ANO3: variants seen among roughly 807,000 people sequenced by gnomAD.
The protein encoded by ANO3 is anoctamin-3.
Under a neutral mutation model 144.8 loss-of-function variants are expected in ANO3, and 99 were observed. The observed-to-expected ratio is 0.68, with a 90% CI of 0.58 to 0.81. The LOEUF is 0.81. Ranked by LOEUF, ANO3 falls within the 30% of genes least tolerant of loss-of-function variation. The probability of loss-of-function intolerance (pLI) is 0.00; values close to 1 mark genes in which losing one functional copy is unlikely to be tolerated. For synonymous variants in ANO3, 414 were observed against 392.6 expected, an observed-to-expected ratio of 1.05 and a Z score of -0.64; for missense variants, 905 against 1,202.2, an observed-to-expected ratio of 0.75 and a Z score of 3.66.
At chr11:26,371,837 T>TCTA (rs1856268564) in intron 1 of ANO3, among the ~76,000 whole-genome samples, 1 of 152,220 alleles carries the variant, frequency 6.6e-6, no homozygotes. Context: ...CCTCTACCCC[T>TCTA]GTTGTATCTA....
Position 26,624,486 on chromosome 11 carries a change from C to T in ANO3, c.1861C>T (p.Leu621Phe). 1 of 1,605,296 alleles carries T rather than the reference C, an allele frequency of 6.2e-7. No individual in the cohort carries two copies. ...GGCTTATGAAAAAATTGCTTACCTC[C>T]TCACCAATTTAGGTAAGTCCATTTT... ...NLAYEKIAYL[L>F]TNLEYPRTES... Residue 621 changes from leucine (L) to phenylalanine (F), a missense_variant, in exon 18 of 27, where the codon CTC becomes TTC. Coordinates refer to ENST00000256737, the MANE Select transcript of ANO3 (RefSeq NM_031418.4).
rs533575672 is a variant in ANO3, at chr11:26,296,644, C to T, written c.155-13001C>T. On this transcript the variant is annotated intron_variant, in intron 1 of 27. Coordinates refer to the ANO3 transcript ENST00000672621. ...CTTGTGTTGGGTGACATAAAATCAT[C>T]CAACAGGTGAGACATGGGAGATACT... is the stretch of plus-strand genomic sequence containing the variant. Among the ~76,000 whole-genome samples the T allele has an allele frequency of 5.9e-5, 9 of 152,224 alleles. No individual in the cohort carries two copies. In the East Asian group the frequency reaches 1.7e-3, roughly 29 times the overall value.
At chr11:26,223,185 A>C (rs975418180) in intron 1 of ANO3, among the ~76,000 whole-genome samples, 2 of 152,076 alleles carry the variant, frequency 1.3e-5, no homozygotes, top group Non-Finnish European at 2.9e-5. Flanking sequence ...GCCATGCAAC[A>C]TCTTGAATTC....
At chr11:26,577,820 A>G (rs932427926) in intron 14 of ANO3, among the ~76,000 whole-genome samples, 2 of 152,212 alleles carry the variant, frequency 1.3e-5, no homozygotes, top group Admixed American at 6.5e-5. Flanking sequence ...TTTGCACCCA[A>G]TTGAGTATAA....
At chr11:26,457,506 T>C (rs1439173661) in intron 3 of ANO3, among the ~76,000 whole-genome samples, 2 of 152,082 alleles carry the variant, frequency 1.3e-5, no homozygotes, top group South Asian at 4.1e-4. Flanking sequence ...AAATTGTGAA[T>C]TGAATGCAAA....
At chr11:26,223,619 A>G (rs1410411949) in intron 1 of ANO3, among the ~76,000 whole-genome samples, 2 of 151,812 alleles carry the variant, frequency 1.3e-5, no homozygotes, top group Admixed American at 6.6e-5. Context: ...AAAAAAAAAA[A>G]AAACCCTGAG....
intron 1 of ANO3, among the ~76,000 whole-genome samples, chr11:26,407,076 G>GTGTATATATA (rs1304651169): frequency 1.3e-4 from 13 of 101,514 alleles, no homozygotes; most frequent in African/African-American, 3.8e-4. Flanking sequence ...GTGTGTGTGT[G>GTGTATATATA]TATATATATA....
chr11:26,563,146 G>C, intron 14 of ANO3: 1 of 1,612,034 alleles, frequency 6.2e-7, no homozygotes, highest in South Asian at 1.1e-5. Flanking sequence ...TAAAGTCGCC[G>C]ATGGGAAAAT....
At chr11:26,512,973 C>A (rs564627015) in intron 5 of ANO3, among the ~76,000 whole-genome samples, 1 of 152,182 alleles carries the variant, frequency 6.6e-6, no homozygotes, top group East Asian at 1.9e-4. Context: ...TACTGTGTGT[C>A]CAGCACAGAA....
At chr11:26,461,143 G>A (rs1280231013) in intron 3 of ANO3, among the ~76,000 whole-genome samples, 1 of 151,998 alleles carries the variant, frequency 6.6e-6, no homozygotes, top group African/African-American at 2.4e-5. Flanking sequence ...TGCCTACCGG[G>A]GGAAAGGAAG....
At chr11:26,594,594 G>A (rs187946151) in intron 14 of ANO3, among the ~76,000 whole-genome samples, 74 of 152,218 alleles carry the variant, frequency 4.9e-4, no homozygotes, top group African/African-American at 1.6e-3. Flanking sequence ...TGGAGGGGGC[G>A]TAATCGGGTA....
intron 5 of ANO3, among the ~76,000 whole-genome samples, chr11:26,515,448 C>T (rs1358896636): frequency 6.6e-6 from 1 of 151,840 alleles, no homozygotes; most frequent in African/African-American, 2.4e-5. Flanking sequence ...TTCTAATACT[C>T]TATGGAAAGG....
chr11:26,274,365 T>C (rs1473839374), intron 1 of ANO3, among the ~76,000 whole-genome samples: 4 of 152,156 alleles, frequency 2.6e-5, no homozygotes, highest in African/African-American at 7.2e-5. Context: ...TATTTCATCA[T>C]ATAAATGCAT....
intron 1 of ANO3, among the ~76,000 whole-genome samples, chr11:26,224,766 A>G (rs1459536933): frequency 6.6e-6 from 1 of 152,216 alleles, no homozygotes; most frequent in Non-Finnish European, 1.5e-5. Context: ...TCTCCAGCCA[A>G]TGCCAAACAT....
upstream of ANO3, among the ~76,000 whole-genome samples, chr11:26,308,086 A>G (rs780253293): frequency 6.6e-6 from 1 of 152,214 alleles, no homozygotes; most frequent in Non-Finnish European, 1.5e-5. Context: ...TTTTCTGAAC[A>G]TCTGGTCTTA....
chr11:26,537,006 ATT>A (rs373049130), intron 9 of ANO3, among the ~76,000 whole-genome samples: 22 of 125,520 alleles, frequency 1.8e-4, no homozygotes, highest in African/African-American at 6.2e-4. Flanking sequence ...TATCCTTTAA[ATT>A]TTTTTTTTTT....
chr11:26,544,273 T>TATATATATATATATACACACACACACAC, intron 11 of ANO3, among the ~76,000 whole-genome samples: 1 of 58,568 alleles, frequency 1.7e-5, no homozygotes, highest in East Asian at 1.2e-3. Context: ...TATATATATA[T>TATATATATATATATACACACACACACAC]ACACACATAC....
chr11:26,553,104 C>T (rs1849979916), intron 12 of ANO3, 145 bp from the exon 13 acceptor site: 3 of 614,674 alleles, frequency 4.9e-6, no homozygotes, highest in Admixed American at 2.5e-5. Flanking sequence ...ACCACAGTGC[C>T]CACCACTCCC....
At chr11:26,656,843 C>A (rs1245213620) in intron 26 of ANO3, among the ~76,000 whole-genome samples, 1 of 152,062 alleles carries the variant, frequency 6.6e-6, no homozygotes, top group Non-Finnish European at 1.5e-5. Flanking sequence ...ATGGAAAAAA[C>A]TGATTTTCTG....
Sources: allele counts gnomAD v4.1 joint callset (sites outside exome capture counted in the v4.1 genomes callset), GRCh38; gene constraint gnomAD v4.1.1; transcripts MANE v1.5; gene names NCBI Gene and HGNC (gene_info 2026-07-23, HGNC 2026-07-21).